Variants in DMD observed in about 807,000 individuals in gnomAD.
The protein encoded by DMD is mutant dystrophin.
DMD carries 63 observed loss-of-function variants against 330.1 expected under a neutral mutation model. The observed-to-expected ratio is 0.19, with a 90% confidence interval of 0.16 to 0.24. The LOEUF is 0.24. Among genes scored for constraint, DMD ranks in the 10% least tolerant of loss-of-function variants. DMD has a pLI of 1.00. For missense variants in DMD, 3,344 were observed against 2,684.1 expected, an observed-to-expected ratio of 1.25 and a Z score of -5.43; for synonymous variants, 1,223 against 959.8, an observed-to-expected ratio of 1.27 and a Z score of -5.07.
At position 32,699,147 on chromosome X, in the gene DMD, A is replaced by T. The variant is rs1393257981; in HGVS notation, c.796T>A (p.Phe266Ile). ...RPPKVTKEEH[F>I]QLHHQMHYSQ... ...TAGTGCATTTGATGATGTAACTGAA[A>T]ATGTTCTTCTTTAGTCACTTTAGGT... The change falls in exon 8 of 79, where the codon TTT becomes ATT. Residue 266 changes from phenylalanine to isoleucine, a missense_variant. Transcript: ENST00000357033. 8.3e-7 allele frequency: 1 copy of T among 1,210,436 alleles called. No homozygotes were observed. The highest frequency in any genetic ancestry group is 2.2e-5 in the Admixed American group (1 of 45,893).
intron 30 of DMD, among the ~76,000 whole-genome samples, chrX:32,394,823 C>T (rs915269147): frequency 1.9e-5 from 2 of 105,793 alleles, no homozygotes; most frequent in Non-Finnish European, 3.9e-5. Context: ...ATCCCCTTAG[C>T]CTCCAAGGTT....
intron 7 of DMD, among the ~76,000 whole-genome samples, chrX:32,771,731 T>C (rs751597243): frequency 2.7e-5 from 3 of 111,328 alleles, no homozygotes; most frequent in South Asian, 7.5e-4. Flanking sequence ...ATTTCAGAGG[T>C]TGACTATTTT....
chrX:32,342,583 A>C (rs887908589), intron 40 of DMD: 70 of 320,525 alleles, frequency 2.2e-4, no homozygotes, highest in South Asian at 3.2e-4. Context: ...TTGGAGTGAT[A>C]ACTCATTATT....
chrX:32,537,500 A>T (rs1603635771), intron 17 of DMD, among the ~76,000 whole-genome samples: 1 of 111,009 alleles, frequency 9.0e-6, no homozygotes, highest in African/African-American at 3.3e-5. Context: ...CAGGAGAGAA[A>T]AATTTCAAGA....
intron 11 of DMD, among the ~76,000 whole-genome samples, chrX:32,629,088 T>C (rs996641475): frequency 9.8e-5 from 11 of 111,748 alleles, no homozygotes; most frequent in African/African-American, 3.3e-4. Context: ...GTCTGGATGA[T>C]CTATCTGGCC....
At chrX:32,538,614 T>C in intron 17 of DMD, among the ~76,000 whole-genome samples, 1 of 111,086 alleles carries the variant, frequency 9.0e-6, no homozygotes, top group East Asian at 2.8e-4. Flanking sequence ...GGGGCTGTCA[T>C]AAGGAAAGAG....
At chrX:32,692,743 A>T (rs2063371311) in intron 9 of DMD, among the ~76,000 whole-genome samples, 1 of 111,959 alleles carries the variant, frequency 8.9e-6, no homozygotes, top group South Asian at 3.7e-4. Flanking sequence ...TTTGTTTATA[A>T]ATCAGAATCC....
At chrX:32,641,123 G>A (rs1233643903) in intron 11 of DMD, among the ~76,000 whole-genome samples, 1 of 110,847 alleles carries the variant, frequency 9.0e-6, no homozygotes, top group Non-Finnish European at 1.9e-5. Flanking sequence ...CAAACTAAAT[G>A]GTACCAACCT....
chrX:32,008,366 T>C (rs1487939923), intron 44 of DMD, among the ~76,000 whole-genome samples: 1 of 112,178 alleles, frequency 8.9e-6, no homozygotes, highest in Non-Finnish European at 1.9e-5. Context: ...TTGTGCCAAA[T>C]CTTGTTGAGC....
At chrX:32,159,886 A>G (rs1222458102) in intron 44 of DMD, among the ~76,000 whole-genome samples, 1 of 111,979 alleles carries the variant, frequency 8.9e-6, no homozygotes, top group Non-Finnish European at 1.9e-5. Context: ...GCAGAATCTC[A>G]GACAATACCC....
chrX:31,411,064 C>T (rs971860897), intron 60 of DMD, among the ~76,000 whole-genome samples: 1 of 110,396 alleles, frequency 9.1e-6, no homozygotes, highest in East Asian at 2.8e-4. Flanking sequence ...CTGCACCCAA[C>T]CCCGATAACT....
At chrX:32,626,290 A>G (rs1400263782) in intron 11 of DMD, among the ~76,000 whole-genome samples, 1 of 110,540 alleles carries the variant, frequency 9.0e-6, no homozygotes, top group African/African-American at 3.3e-5. Flanking sequence ...GGCCAATAGA[A>G]ACCCCATCTC....
At chrX:32,966,628 C>A (rs1408754974) in intron 2 of DMD, among the ~76,000 whole-genome samples, 1 of 111,640 alleles carries the variant, frequency 9.0e-6, no homozygotes, top group Admixed American at 9.6e-5. Context: ...CGACTTCATG[C>A]AGACTGAAAG....
chrX:31,801,420 A>C (rs112174667), intron 50 of DMD, among the ~76,000 whole-genome samples: 90 of 111,680 alleles, frequency 8.1e-4, no homozygotes, highest in African/African-American at 2.8e-3. Flanking sequence ...TCAAGGTGAG[A>C]TTTGGGTGGG....
intron 9 of DMD, among the ~76,000 whole-genome samples, chrX:32,657,417 G>A (rs2060652804): frequency 8.9e-6 from 1 of 112,089 alleles, no homozygotes; most frequent in Non-Finnish European, 1.9e-5. Context: ...GCACATGAAA[G>A]ACGTCTAGCC....
In DMD at chrX:32,288,465, G is replaced by C. The variant is rs186812136; in HGVS notation, c.6118-764C>G. Among the ~76,000 whole-genome samples, 4 of 111,691 alleles carry C rather than the reference G, an allele frequency of 3.6e-5. No individual in the cohort carries two copies. The East Asian group carries it at 1.1e-3, about 31-fold the overall frequency. On this transcript the variant is annotated intron_variant, in intron 42 of 78. Coordinates refer to ENST00000357033, the MANE Select transcript of DMD (RefSeq NM_004006.3). ...TCACTACCTTTCTTGCTACAGATCT[G>C]ATAGAAGCTATTATTGTCTCTCATC...
chrX:32,332,860 T>G (rs1039197755), intron 41 of DMD, among the ~76,000 whole-genome samples: 7 of 111,183 alleles, frequency 6.3e-5, no homozygotes, highest in Non-Finnish European at 1.1e-4. Flanking sequence ...CTCTGAAAAT[T>G]TGAAAGAACG....
chrX:32,641,407 C>CATACATATATATAT (rs1569366795), intron 11 of DMD: 12 of 63,205 alleles, frequency 1.9e-4, no homozygotes, highest in African/African-American at 7.7e-4. Flanking sequence ...GTATTTTATA[C>CATACATATATATAT]GTATATATAT....
intron 2 of DMD, among the ~76,000 whole-genome samples, chrX:32,853,518 G>A (rs2081297102): frequency 9.0e-6 from 1 of 110,905 alleles, no homozygotes; most frequent in Non-Finnish European, 1.9e-5. Context: ...AGTGTTGTCT[G>A]TTTGAAATAA....
Sources: gnomAD v4.1 joint callset for allele counts (sites outside exome capture counted in the v4.1 genomes callset) on GRCh38, gnomAD v4.1.1 for gene constraint, MANE v1.5 for transcripts, NCBI Gene and HGNC (gene_info 2026-07-23, HGNC 2026-07-21) for gene names.